PIK3C2G: variants seen among roughly 807,000 people sequenced by gnomAD.
PIK3C2G encodes phosphatidylinositol-4-phosphate 3-kinase catalytic subunit type 2 gamma.
In PIK3C2G, 168 loss-of-function variants were observed where a neutral mutation model predicts 181.1. That is an observed-to-expected ratio of 0.93 (90% CI 0.82 to 1.05). The LOEUF (loss-of-function observed/expected upper bound fraction) is 1.05, where lower values mean the gene tolerates loss of function less well. PIK3C2G is among the 50% of genes least tolerant of loss of function. The pLI, the probability that PIK3C2G is intolerant of heterozygous loss-of-function variation, is 0.00. For synonymous variants in PIK3C2G, 573 were observed against 592.2 expected, an observed-to-expected ratio of 0.97 and a Z score of 0.47; for missense variants, 1,869 against 1,732.8, an observed-to-expected ratio of 1.08 and a Z score of -1.40.
intron 18 of PIK3C2G, among the ~76,000 whole-genome samples, chr12:18,437,480 C>T (rs1026742223): frequency 6.6e-6 from 1 of 151,960 alleles, no homozygotes; most frequent in Non-Finnish European, 1.5e-5. Flanking sequence ...AATAGTGACT[C>T]TTTAGACTTG....
intron 30 of PIK3C2G, among the ~76,000 whole-genome samples, chr12:18,608,008 C>T (rs2136583828): frequency 6.6e-6 from 1 of 152,324 alleles, no homozygotes; most frequent in East Asian, 1.9e-4. Context: ...GAGATACCAT[C>T]TCACACCAGT....
chr12:18,511,406 G>T (rs1942197374), intron 24 of PIK3C2G, among the ~76,000 whole-genome samples: 1 of 152,058 alleles, frequency 6.6e-6, no homozygotes, highest in South Asian at 2.1e-4. Flanking sequence ...AGTGGATGCT[G>T]TTTTCCATAA....
At chr12:18,433,222 A>G (rs1282628162) in intron 18 of PIK3C2G, among the ~76,000 whole-genome samples, 2 of 152,180 alleles carry the variant, frequency 1.3e-5, no homozygotes, top group African/African-American at 4.8e-5. Context: ...GATATTTAAA[A>G]CATTAAATGT....
chr12:18,663,171 A>C, the PIK3C2G span, among the ~76,000 whole-genome samples: 2 of 152,128 alleles, frequency 1.3e-5, no homozygotes, highest in Admixed American at 1.3e-4. Flanking sequence ...GAACAAGGCA[A>C]GGGTGAACAG....
At chr12:18,318,795 T>TA (rs551213713) in intron 6 of PIK3C2G, among the ~76,000 whole-genome samples, 2,403 of 138,042 alleles carry the variant, frequency 0.017, 68 homozygotes, top group African/African-American at 0.055. Flanking sequence ...AAAGTTGTTC[T>TA]AAAAAAAAAA....
chr12:18,289,967 T>C (rs1263285897), intron 3 of PIK3C2G, among the ~76,000 whole-genome samples: 1 of 152,200 alleles, frequency 6.6e-6, no homozygotes, highest in Non-Finnish European at 1.5e-5. Flanking sequence ...ATGTTCTACA[T>C]GTGGGCATAA....
chr12:18,569,648 T>G (rs747776214), intron 29 of PIK3C2G, among the ~76,000 whole-genome samples: 1 of 152,182 alleles, frequency 6.6e-6, no homozygotes, highest in Non-Finnish European at 1.5e-5. Context: ...GGAATAGAAT[T>G]TCCAGATTGT....
intron 14 of PIK3C2G, among the ~76,000 whole-genome samples, chr12:18,389,549 A>G (rs1028062958): frequency 7.2e-5 from 11 of 152,200 alleles, no homozygotes; most frequent in African/African-American, 2.7e-4. Flanking sequence ...ACTTTAAGTT[A>G]TCAGAAAATA....
At chr12:18,356,254 C>T (rs571170445) in intron 11 of PIK3C2G, among the ~76,000 whole-genome samples, 1 of 152,310 alleles carries the variant, frequency 6.6e-6, no homozygotes, top group Non-Finnish European at 1.5e-5. Context: ...GTATCCTAGG[C>T]AAGCCCCCCG....
At chr12:18,579,384 C>G (rs774083721) in intron 29 of PIK3C2G, among the ~76,000 whole-genome samples, 2 of 152,114 alleles carry the variant, frequency 1.3e-5, no homozygotes, top group Non-Finnish European at 2.9e-5. Flanking sequence ...TATAAGCAGT[C>G]TTACTTTTGC....
the PIK3C2G span, among the ~76,000 whole-genome samples, chr12:18,677,653 C>A: frequency 5.3e-5 from 8 of 152,158 alleles, no homozygotes; most frequent in Middle Eastern, 3.4e-3. Context: ...AACGCCACAC[C>A]AATTTCATCA....
chr12:18,347,072 T>A (rs375842723), intron 11 of PIK3C2G, among the ~76,000 whole-genome samples: 12 of 152,346 alleles, frequency 7.9e-5, no homozygotes, highest in East Asian at 5.8e-4. Context: ...TGCCAATATA[T>A]CGTTATGGAA....
At chr12:18,494,877 T>C (rs1940875769) in intron 20 of PIK3C2G, among the ~76,000 whole-genome samples, 1 of 152,144 alleles carries the variant, frequency 6.6e-6, no homozygotes, top group African/African-American at 2.4e-5. Context: ...ATAAAATATC[T>C]ATTTCTTAAC....
At chr12:18,406,519 G>C (rs1944539819) in intron 16 of PIK3C2G, among the ~76,000 whole-genome samples, 1 of 152,148 alleles carries the variant, frequency 6.6e-6, no homozygotes, top group African/African-American at 2.4e-5. Context: ...AAGGCAAAAA[G>C]ATAGCTAAAG....
intron 29 of PIK3C2G, among the ~76,000 whole-genome samples, chr12:18,586,184 A>G (rs73066274): frequency 0.029 from 4,339 of 152,058 alleles, 67 homozygotes; most frequent in Middle Eastern, 0.061. Context: ...CAGAAGAGTA[A>G]CCAGATAAGA....
chr12:18,425,653 G>A (rs549503154), intron 18 of PIK3C2G, among the ~76,000 whole-genome samples: 6 of 152,196 alleles, frequency 3.9e-5, no homozygotes, highest in South Asian at 2.1e-4. Context: ...GCCTCCCAAA[G>A]TGCTGGGATT....
At chr12:18,680,100 T>C in the PIK3C2G span, among the ~76,000 whole-genome samples, 8 of 152,138 alleles carry the variant, frequency 5.3e-5, no homozygotes, top group Non-Finnish European at 8.8e-5. Context: ...AGTAATGTAA[T>C]TAAACAGATG....
intron 26 of PIK3C2G, among the ~76,000 whole-genome samples, chr12:18,560,279 G>A (rs957100437): frequency 1.3e-5 from 2 of 151,700 alleles, no homozygotes; most frequent in African/African-American, 4.8e-5. Flanking sequence ...AAGTCATATA[G>A]AATTATAACA....
intron 16 of PIK3C2G, among the ~76,000 whole-genome samples, chr12:18,414,704 A>G (rs1182293116): frequency 2.6e-5 from 4 of 152,218 alleles, no homozygotes; most frequent in Non-Finnish European, 4.4e-5. Context: ...AAAAAAAATA[A>G]GCACACTTAA....
Sources: allele counts gnomAD v4.1 joint callset (sites outside exome capture counted in the v4.1 genomes callset), GRCh38; gene constraint gnomAD v4.1.1; transcripts MANE v1.5; gene names NCBI Gene and HGNC (gene_info 2026-07-23, HGNC 2026-07-21).